Variants in OLA1 observed in about 807,000 individuals in gnomAD.
OLA1 encodes the protein Obg like ATPase 1, also known as obg-like ATPase 1.
Under a neutral mutation model 48.4 loss-of-function variants are expected in OLA1, and 14 were observed. The observed-to-expected ratio is 0.29, with a 90% CI of 0.19 to 0.45. OLA1 has a LOEUF of 0.45. Ranked by LOEUF, OLA1 falls within the 20% of genes least tolerant of loss-of-function variation. The pLI, the probability that OLA1 is intolerant of heterozygous loss-of-function variation, is 1.00. For synonymous variants in OLA1, 127 were observed against 150.4 expected, an observed-to-expected ratio of 0.84 and a Z score of 1.14; for missense variants, 325 against 467.1, an observed-to-expected ratio of 0.70 and a Z score of 2.80.
chr2:174,227,876 G>C (rs1250434756), intron 3 of OLA1, among the ~76,000 whole-genome samples: 1 of 152,192 alleles, frequency 6.6e-6, no homozygotes, highest in Non-Finnish European at 1.5e-5. Context: ...GCTACAACTA[G>C]TAAGTGAAAG....
intron 7 of OLA1, among the ~76,000 whole-genome samples, chr2:174,104,699 T>A (rs1004338478): frequency 2.6e-5 from 4 of 152,074 alleles, no homozygotes; most frequent in African/African-American, 9.6e-5. Context: ...TAAAACCAAC[T>A]TTCTACTTAA....
At chr2:174,118,917 A>G (rs1373200892) in intron 7 of OLA1, among the ~76,000 whole-genome samples, 1 of 152,160 alleles carries the variant, frequency 6.6e-6, no homozygotes, top group Non-Finnish European at 1.5e-5. Flanking sequence ...GTGCTTTCGT[A>G]TATAATTATC....
chr2:174,233,987 T>C (rs1009596189), intron 2 of OLA1, among the ~76,000 whole-genome samples: 3 of 152,236 alleles, frequency 2.0e-5, no homozygotes, highest in Non-Finnish European at 2.9e-5. Flanking sequence ...ATGTTCAAAG[T>C]GCATGTGTCC....
At chr2:174,210,901 T>C (rs1299889672) in intron 4 of OLA1, among the ~76,000 whole-genome samples, 1 of 152,164 alleles carries the variant, frequency 6.6e-6, no homozygotes, top group Non-Finnish European at 1.5e-5. Context: ...GAAAAGGCCA[T>C]ATGAAATGAA....
At chr2:174,148,112 C>T (rs1417131307) in intron 4 of OLA1, among the ~76,000 whole-genome samples, 3 of 152,160 alleles carry the variant, frequency 2.0e-5, no homozygotes, top group Admixed American at 6.5e-5. Context: ...ATAGGCCGGG[C>T]GTGGTGGCTC....
intron 4 of OLA1, among the ~76,000 whole-genome samples, chr2:174,157,551 C>T (rs563918026): frequency 1.3e-5 from 2 of 152,266 alleles, no homozygotes; most frequent in Admixed American, 6.5e-5. Flanking sequence ...AGAGAAAATA[C>T]TGTCTCTGCT....
At chr2:174,078,156 A>G (rs932420422) in intron 10 of OLA1, among the ~76,000 whole-genome samples, 2 of 152,008 alleles carry the variant, frequency 1.3e-5, no homozygotes, top group African/African-American at 4.8e-5. Flanking sequence ...TAAACCTGAA[A>G]TAAACTTTTT....
At chr2:174,085,931 T>C (rs1375063881) in intron 7 of OLA1, among the ~76,000 whole-genome samples, 1 of 152,180 alleles carries the variant, frequency 6.6e-6, no homozygotes, top group African/African-American at 2.4e-5. Flanking sequence ...CTGTCCCCAT[T>C]TGTCATCTGC....
intron 2 of OLA1, among the ~76,000 whole-genome samples, chr2:174,238,027 A>G (rs1688899712): frequency 6.6e-6 from 1 of 152,244 alleles, no homozygotes; most frequent in Non-Finnish European, 1.5e-5. Flanking sequence ...ATTGACCAAC[A>G]TCATTATGCA....
chr2:174,094,147 C>T (rs778863489), intron 7 of OLA1, among the ~76,000 whole-genome samples: 8 of 152,148 alleles, frequency 5.3e-5, no homozygotes, highest in Non-Finnish European at 8.8e-5. Context: ...AAGACAAAAA[C>T]GTCAGTAGAG....
intron 7 of OLA1, among the ~76,000 whole-genome samples, chr2:174,096,006 A>G (rs1479971015): frequency 1.3e-5 from 2 of 152,236 alleles, no homozygotes; most frequent in East Asian, 3.8e-4. Context: ...AATGTAAATC[A>G]AAACCACAGT....
chr2:174,224,338 C>A (rs559991673), intron 3 of OLA1, among the ~76,000 whole-genome samples: 4 of 152,216 alleles, frequency 2.6e-5, no homozygotes, highest in Non-Finnish European at 5.9e-5. Flanking sequence ...TCCAGCAGAG[C>A]CCAGCGCTTT....
intron 7 of OLA1, among the ~76,000 whole-genome samples, chr2:174,087,976 C>T (rs1685021804): frequency 6.6e-6 from 1 of 152,116 alleles, no homozygotes. Flanking sequence ...TATTATTAGA[C>T]ATTTACAAAC....
At chr2:174,186,078 C>T (rs1018716344) in intron 4 of OLA1, among the ~76,000 whole-genome samples, 18 of 152,030 alleles carry the variant, frequency 1.2e-4, no homozygotes, top group African/African-American at 4.3e-4. Context: ...CATGAGAGAC[C>T]TTTAACACAT....
chr2:174,209,881 C>T (rs1298035857), intron 4 of OLA1, among the ~76,000 whole-genome samples: 1 of 152,096 alleles, frequency 6.6e-6, no homozygotes, highest in Non-Finnish European at 1.5e-5. Flanking sequence ...CGTGAATGTT[C>T]TGTGTAACAA....
At chr2:174,198,534 C>CT (rs1687926897) in intron 4 of OLA1, among the ~76,000 whole-genome samples, 1 of 152,044 alleles carries the variant, frequency 6.6e-6, no homozygotes, top group African/African-American at 2.4e-5. Context: ...AATCCTAGCA[C>CT]TTTGGGAGGC....
intron 10 of OLA1, 57 bp from the exon 11 acceptor site, chr2:174,075,584 G>A (rs1244317920): frequency 4.0e-6 from 4 of 1,008,292 alleles, no homozygotes; most frequent in African/African-American, 1.6e-5. Context: ...AATACATGGG[G>A]TAAATGGTGG....
chr2:174,170,355 G>C (rs1220222912), intron 4 of OLA1, among the ~76,000 whole-genome samples: 1 of 152,210 alleles, frequency 6.6e-6, no homozygotes, highest in East Asian at 1.9e-4. Flanking sequence ...CTTAAAAAAA[G>C]TGAAATCTAG....
chr2:174,175,923 A>G (rs984672136), intron 4 of OLA1, among the ~76,000 whole-genome samples: 1 of 152,080 alleles, frequency 6.6e-6, no homozygotes, highest in Non-Finnish European at 1.5e-5. Flanking sequence ...GATCTAAAAA[A>G]AGTCAAACAG....
Sources: allele counts gnomAD v4.1 joint callset (sites outside exome capture counted in the v4.1 genomes callset), GRCh38; gene constraint gnomAD v4.1.1; transcripts MANE v1.5; gene names NCBI Gene and HGNC (gene_info 2026-07-23, HGNC 2026-07-21).